The following HTR1E variants were observed in gnomAD, a reference collection of about 807,000 sequenced individuals.
The protein encoded by HTR1E is 5-hydroxytryptamine receptor 1E, also known as 5-HT-1E.
Under a neutral mutation model 3.4 loss-of-function variants are expected in HTR1E, and 3 were observed. That is an observed-to-expected ratio of 0.89 (90% CI 0.41 to 2.31). The LOEUF is 2.31. HTR1E is among the 30% of genes most tolerant of loss of function. The probability of loss-of-function intolerance (pLI) is 0.05; values close to 1 mark genes in which losing one functional copy is unlikely to be tolerated. For synonymous variants in HTR1E, 170 were observed against 182.8 expected (o/e 0.93, Z 0.56); for missense variants, 392 against 467.0 (o/e 0.84, Z 1.48).
At chr6:86,953,837 T>C (rs1424342078) in intron 1 of HTR1E, among the ~76,000 whole-genome samples, 1 of 152,022 alleles carries the variant, frequency 6.6e-6, no homozygotes, top group East Asian at 1.9e-4. Context: ...CTCAGGAAAC[T>C]TGCAATTATA....
At chr6:87,003,806 CA>C (rs928973460) in intron 1 of HTR1E, among the ~76,000 whole-genome samples, 1 of 151,428 alleles carries the variant, frequency 6.6e-6, no homozygotes, top group South Asian at 2.1e-4. Flanking sequence ...ACAAAAAATA[CA>C]AAAAAACAAA....
intron 1 of HTR1E, among the ~76,000 whole-genome samples, chr6:86,995,665 CAAAAAAAAAAAAAAAAAAAAAAGAA>C (rs1299789551): frequency 2.7e-5 from 1 of 36,688 alleles, no homozygotes; most frequent in Non-Finnish European, 5.3e-5. Context: ...GACTCCATCT[CAAAAAAAAAAAAAAAAAAAAAAGAA>C]AAAAAAAAAA....
chr6:86,993,370 A>T (rs1431875311), intron 1 of HTR1E, among the ~76,000 whole-genome samples: 1 of 152,168 alleles, frequency 6.6e-6, no homozygotes, highest in Non-Finnish European at 1.5e-5. Context: ...CAAGGAGGAC[A>T]GTTAAAGAAA....
At chr6:86,979,177 GCA>G (rs1767678657) in intron 1 of HTR1E, among the ~76,000 whole-genome samples, 1 of 152,016 alleles carries the variant, frequency 6.6e-6, no homozygotes, top group South Asian at 2.1e-4. Flanking sequence ...TGATTTTTTT[GCA>G]CAGTTTAGAT....
chr6:87,011,044 A>T (rs1768225004), intron 1 of HTR1E, among the ~76,000 whole-genome samples: 1 of 152,210 alleles, frequency 6.6e-6, no homozygotes, highest in Non-Finnish European at 1.5e-5. Flanking sequence ...TTGGTCTAAG[A>T]TGCTTAAACT....
chr6:86,942,626 T>C (rs1049872719), intron 1 of HTR1E, among the ~76,000 whole-genome samples: 3 of 152,254 alleles, frequency 2.0e-5, no homozygotes, highest in African/African-American at 7.2e-5. Flanking sequence ...GGATTAAATA[T>C]GTAACTTAAT....
chr6:86,979,321 G>C (rs982918849), intron 1 of HTR1E, among the ~76,000 whole-genome samples: 2 of 152,128 alleles, frequency 1.3e-5, no homozygotes, highest in African/African-American at 4.8e-5. Context: ...TGTTATGTAT[G>C]TGTATATACT....
chr6:86,973,881 C>A (rs957513899), intron 1 of HTR1E, among the ~76,000 whole-genome samples: 1 of 152,118 alleles, frequency 6.6e-6, no homozygotes, highest in African/African-American at 2.4e-5. Flanking sequence ...CTTGCTGAAG[C>A]CCATCTTAGA....
chr6:86,952,238 A>C (rs1014516386), intron 1 of HTR1E, among the ~76,000 whole-genome samples: 1 of 152,070 alleles, frequency 6.6e-6, no homozygotes, highest in Non-Finnish European at 1.5e-5. Context: ...CTTAGTTTCA[A>C]TTTCGAGATT....
chr6:86,974,636 C>A (rs1398121156), intron 1 of HTR1E, among the ~76,000 whole-genome samples: 1 of 152,140 alleles, frequency 6.6e-6, no homozygotes, highest in Non-Finnish European at 1.5e-5. Context: ...ACTTTGATTG[C>A]TTGATTAAGA....
intron 1 of HTR1E, among the ~76,000 whole-genome samples, chr6:87,011,517 C>A (rs540934952): frequency 3.9e-5 from 6 of 152,066 alleles, no homozygotes; most frequent in African/African-American, 1.4e-4. Context: ...ATGGTTGAGA[C>A]GTTATATAAT....
chr6:86,963,035 CAGA>C (rs984324548), intron 1 of HTR1E, among the ~76,000 whole-genome samples: 5 of 151,906 alleles, frequency 3.3e-5, no homozygotes, highest in Non-Finnish European at 5.9e-5. Context: ...AGAGGTATTC[CAGA>C]AGAAGGCATT....
At chr6:87,004,075 G>T (rs1279365781) in intron 1 of HTR1E, among the ~76,000 whole-genome samples, 4 of 152,086 alleles carry the variant, frequency 2.6e-5, no homozygotes, top group African/African-American at 9.7e-5. Flanking sequence ...TCCAAAACCT[G>T]ATCAGACTAA....
intron 1 of HTR1E, among the ~76,000 whole-genome samples, chr6:86,997,528 T>C (rs1252242044): frequency 6.6e-6 from 1 of 151,882 alleles, no homozygotes; most frequent in East Asian, 1.9e-4. Flanking sequence ...AAATAAAAGA[T>C]ATTTTTATAT....
chr6:87,014,446 CTATTACTGGGTA>C (rs1768285857), intron 1 of HTR1E, among the ~76,000 whole-genome samples: 1 of 152,020 alleles, frequency 6.6e-6, no homozygotes, highest in Admixed American at 6.6e-5. Flanking sequence ...CTCAGCAATC[CTATTACTGGGTA>C]TATACCCAAA....
intron 1 of HTR1E, chr6:86,970,989 A>G: frequency 2.4e-6 from 1 of 424,134 alleles, no homozygotes; most frequent in Non-Finnish European, 4.6e-6. Context: ...CTCTTGGCAA[A>G]TATGGCATCA....
intron 1 of HTR1E, among the ~76,000 whole-genome samples, chr6:87,010,284 C>CCCGGACGGGGCGGCTGG (rs1476231629): frequency 7.6e-5 from 9 of 118,250 alleles, no homozygotes; most frequent in African/African-American, 2.6e-4. Flanking sequence ...CCCCTCACCT[C>CCCGGACGGGGCGGCTGG]CCGGACGGGG....
chr6:86,968,018 A>C (rs1348488959), intron 1 of HTR1E, among the ~76,000 whole-genome samples: 1 of 147,202 alleles, frequency 6.8e-6, no homozygotes, highest in South Asian at 2.1e-4. Flanking sequence ...ATGTTTTTGC[A>C]TATCAATCGA....
intron 1 of HTR1E, among the ~76,000 whole-genome samples, chr6:86,967,564 C>A (rs1244376855): frequency 6.6e-6 from 1 of 152,054 alleles, no homozygotes; most frequent in Non-Finnish European, 1.5e-5. Context: ...AAGCACTGTA[C>A]CAAACTTTGG....
Sources: allele counts gnomAD v4.1 joint callset (sites outside exome capture counted in the v4.1 genomes callset), GRCh38; gene constraint gnomAD v4.1.1; transcripts MANE v1.5; gene names NCBI Gene and HGNC (gene_info 2026-07-23, HGNC 2026-07-21).